The following MTUS1 variants were observed in gnomAD, a reference collection of about 807,000 sequenced individuals.
MTUS1 encodes the protein microtubule associated scaffold protein 1.
In MTUS1, 109 loss-of-function variants were observed where a neutral mutation model predicts 120.8. That is an observed-to-expected ratio of 0.90 (90% CI 0.77 to 1.06). MTUS1 has a LOEUF of 1.06. Ranked by LOEUF, MTUS1 falls within the 50% of genes least tolerant of loss-of-function variation. The pLI is 0.00. For missense variants in MTUS1, 2,210 were observed against 1,486.3 expected (o/e 1.49, Z -8.01); for synonymous variants, 737 against 550.5 (o/e 1.34, Z -4.74).
chr8:17,656,894 C>T (rs1256826493), intron 8 of MTUS1, among the ~76,000 whole-genome samples: 1 of 150,570 alleles, frequency 6.6e-6, no homozygotes, highest in Non-Finnish European at 1.5e-5. Flanking sequence ...CCTGTCTCTA[C>T]TAAAAATACA....
rs545870934 is a variant in MTUS1, at chr8:17,761,733, A to G, written c.-154-5772T>C. On this transcript the variant is annotated intron_variant, in intron 1 of 14. Coordinates refer to ENST00000693296, the MANE Select transcript of MTUS1 (RefSeq NM_001363059.2). ...TTATAACCACACAGAATGTAATTTT[A>G]CTACTTATTTATGTTAATATATGGC... 2.1e-3 allele frequency among the ~76,000 whole-genome samples: 326 copies of G among 152,344 alleles called. 2 individuals are homozygous for G. Among genetic ancestry groups the G allele is most frequent in the African/African-American group, 7.2e-3 (300 of 41,580 alleles).
At chr8:17,671,170 A>G (rs1563172327) in intron 8 of MTUS1, among the ~76,000 whole-genome samples, 1 of 152,156 alleles carries the variant, frequency 6.6e-6, no homozygotes, top group Non-Finnish European at 1.5e-5. Context: ...GTATATATTC[A>G]TATAAACTAA....
At chr8:17,683,587 G>A (rs1322592749) in intron 7 of MTUS1, among the ~76,000 whole-genome samples, 2 of 151,978 alleles carry the variant, frequency 1.3e-5, no homozygotes, top group Non-Finnish European at 2.9e-5. Context: ...CCACAGTACT[G>A]AGCCAGTCTT....
intron 8 of MTUS1, among the ~76,000 whole-genome samples, chr8:17,668,095 A>C (rs1405935367): frequency 6.7e-6 from 1 of 149,928 alleles, no homozygotes; most frequent in Non-Finnish European, 1.5e-5. Context: ...TTTGAAATAC[A>C]AAATAATCTT....
chr8:17,759,026 C>A (rs12335326), intron 1 of MTUS1, among the ~76,000 whole-genome samples: 2 of 150,972 alleles, frequency 1.3e-5, no homozygotes, highest in African/African-American at 4.9e-5. Context: ...GGATTACAGG[C>A]GCCCGCCACC....
In MTUS1 at chr8:17,754,751, T is replaced by C. The variant is rs772245974; in HGVS notation, c.1057A>G (p.Met353Val). 3.7e-6 allele frequency: 6 copies of C among 1,614,258 alleles called. No individual in the cohort carries two copies. Among genetic ancestry groups the C allele is most frequent in the African/African-American group, 2.7e-5 (2 of 75,074 alleles). Residue 353 changes from methionine (M) to valine (V), a missense_variant, in exon 2 of 15, where the codon ATG (methionine) becomes GTG (valine). Physicochemically the swap from Met to Val is conservative, Grantham distance 21. Transcript: ENST00000693296. ...YCLIDDECPL[M>V]VPAFDKSEAQ... is the part of the protein sequence containing the mutation. ...TCGCTCTTATCAAAAGCTGGCACCA[T>C]TAAAGGGCATTCATCATCAATAAGA... is the stretch of plus-strand genomic sequence containing the variant.
chr8:17,744,673 G>A (rs572600904), intron 2 of MTUS1, among the ~76,000 whole-genome samples: 227 of 148,438 alleles, frequency 1.5e-3, no homozygotes, highest in Middle Eastern at 3.5e-3. Context: ...GTGGAGATGG[G>A]GTTTCACCAT....
rs1401680635 is a variant in MTUS1 at position 17,767,706 on chromosome 8, A to AAAAAAACAAACAAACAAACAAACAAAC, written c.-154-11746_-154-11745insGTTTGTTTGTTTGTTTGTTTGTTTTTT. Among the ~76,000 whole-genome samples, 6 of 150,704 alleles carry AAAAAAACAAACAAACAAACAAACAAAC rather than the reference A, an allele frequency of 4.0e-5. 1 individual carries two copies. The highest frequency in any genetic ancestry group is 5.9e-5 in the Non-Finnish European group (4 of 67,800). Reference sequence around the variant, plus strand: ...AGAGCAAGACCCTGTCTCTTAAAAAAAAAAAAAAAAAACGGTGTGAAAGAG... The same window carrying AAAAAAACAAACAAACAAACAAACAAAC: ...AGAGCAAGACCCTGTCTCTTAAAAAAAAAAAACAAACAAACAAACAAACAAACAAAAAAAAAAAACGGTGTGAAAGAG... On this transcript the variant is annotated intron_variant, in intron 1 of 14. Coordinates refer to ENST00000693296, the MANE Select transcript of MTUS1 (RefSeq NM_001363059.2).
chr8:17,677,347 T>C (rs570838086), intron 7 of MTUS1, among the ~76,000 whole-genome samples: 1 of 152,210 alleles, frequency 6.6e-6, no homozygotes, highest in Non-Finnish European at 1.5e-5. Flanking sequence ...ACAGCTTTAC[T>C]AAATGCCCAC....
In MTUS1 at chr8:17,687,923, A is replaced by G. The variant is rs190288353; in HGVS notation, c.2624-3381T>C. ...CCCATTTCTCAGGCTCAAATCACTT[A>G]GGCAAATAGACCTCCAAATCCCAAG... On this transcript the variant is annotated intron_variant, in intron 6 of 14. Coordinates refer to ENST00000693296, the MANE Select transcript of MTUS1 (RefSeq NM_001363059.2). 7.1e-3 allele frequency among the ~76,000 whole-genome samples: 1,082 copies of G among 152,352 alleles called. 3 individuals are homozygous for G. The highest frequency in any genetic ancestry group is 0.011 in the Non-Finnish European group (764 of 68,024).
chr8:17,662,349 A>ATTTTTTTTTTTTTTTTTTTTTTT (rs35308070), intron 8 of MTUS1, among the ~76,000 whole-genome samples: 1 of 112,714 alleles, frequency 8.9e-6, no homozygotes, highest in Non-Finnish European at 1.8e-5. Context: ...TTTTGTCCCT[A>ATTTTTTTTTTTTTTTTTTTTTTT]TTTTTTTTTT....
At chr8:17,756,797 A>C (rs2048659678) in intron 1 of MTUS1, among the ~76,000 whole-genome samples, 1 of 152,038 alleles carries the variant, frequency 6.6e-6, no homozygotes, top group Non-Finnish European at 1.5e-5. Context: ...GGAAAGTGAC[A>C]CCAGAATGCT....
At chr8:17,789,686 G>A (rs1203210851) in intron 1 of MTUS1, among the ~76,000 whole-genome samples, 1 of 152,142 alleles carries the variant, frequency 6.6e-6, no homozygotes, top group Non-Finnish European at 1.5e-5. Flanking sequence ...TCTTGAAAAT[G>A]ATTACCTATG....
chr8:17,650,520 G>A (rs1323848025), intron 12 of MTUS1, among the ~76,000 whole-genome samples: 1 of 152,132 alleles, frequency 6.6e-6, no homozygotes, highest in African/African-American at 2.4e-5. Context: ...ACACGGCATG[G>A]AGTACACAGC....
At chr8:17,719,633 C>G (rs569352460) in intron 4 of MTUS1, among the ~76,000 whole-genome samples, 1 of 152,082 alleles carries the variant, frequency 6.6e-6, no homozygotes. Flanking sequence ...ACAGACATCA[C>G]GACTTGAACA....
At chr8:17,793,463 T>G (rs762918597) in intron 1 of MTUS1, among the ~76,000 whole-genome samples, 7 of 152,108 alleles carry the variant, frequency 4.6e-5, no homozygotes, top group Non-Finnish European at 1.0e-4. Flanking sequence ...TAAAAGACCT[T>G]CCAGTAGCTG....
intron 1 of MTUS1, among the ~76,000 whole-genome samples, chr8:17,794,818 G>C (rs961402515): frequency 1.3e-5 from 2 of 152,142 alleles, no homozygotes; most frequent in African/African-American, 2.4e-5. Flanking sequence ...AGGGGAAGGG[G>C]GTAGGTCTAT....
intron 4 of MTUS1, chr8:17,722,287 T>C (rs962310330): frequency 2.0e-6 from 2 of 982,240 alleles, no homozygotes; most frequent in Non-Finnish European, 2.4e-6. Flanking sequence ...ACAGACTGTG[T>C]CTGCTTCAAG....
intron 7 of MTUS1, 76 bp downstream of exon 7, chr8:17,684,252 C>G: frequency 3.9e-6 from 4 of 1,034,750 alleles, no homozygotes; most frequent in Non-Finnish European, 6.1e-6. Flanking sequence ...ATTCCCAAGG[C>G]CAGCGTGTGA....
Sources: gnomAD v4.1 joint callset for allele counts (sites outside exome capture counted in the v4.1 genomes callset) on GRCh38, gnomAD v4.1.1 for gene constraint, MANE v1.5 for transcripts, NCBI Gene and HGNC (gene_info 2026-07-23, HGNC 2026-07-21) for gene names.